Variants in CAPN14 observed in about 807,000 individuals in gnomAD.
CAPN14 encodes calpain 14.
A neutral mutation model predicts 101.3 loss-of-function variants in CAPN14; 94 were observed. The ratio of observed to expected loss-of-function variants is 0.93; its 90% confidence interval spans 0.79 to 1.10. The LOEUF is 1.10. Ranked by LOEUF, CAPN14 falls within the 50% of genes least tolerant of loss-of-function variation. The pLI, the probability that CAPN14 is intolerant of heterozygous loss-of-function variation, is 0.00. For synonymous variants in CAPN14, 338 were observed against 317.9 expected, an observed-to-expected ratio of 1.06 and a Z score of -0.67; for missense variants, 837 against 828.4, an observed-to-expected ratio of 1.01 and a Z score of -0.13.
chr2:31,179,470 T>C (rs186107630), intron 17 of CAPN14, among the ~76,000 whole-genome samples: 5 of 152,326 alleles, frequency 3.3e-5, no homozygotes, highest in Non-Finnish European at 7.4e-5. Context: ...CAGTCTATCA[T>C]TGAGGGACAT....
chr2:31,193,773 C>A lies in CAPN14; in HGVS notation c.951-479G>T, dbSNP rs143110761. 4.5e-3 allele frequency among the ~76,000 whole-genome samples: 678 copies of A among 152,272 alleles called. 2 individuals are homozygous for A. Among genetic ancestry groups the A allele is most frequent in the South Asian group, 0.022 (104 of 4,820 alleles). On this transcript the variant is annotated intron_variant, in intron 9 of 21. Coordinates refer to ENST00000403897, the MANE Select transcript of CAPN14 (RefSeq NM_001145122.2). ...TTACTTAACCATAAAGTGGAAAAAACAGGAATTTGCAGAGCTTGAGTTCAG... is the reference window on the plus strand; with the variant it reads ...TTACTTAACCATAAAGTGGAAAAAAAAGGAATTTGCAGAGCTTGAGTTCAG...
At position 31,205,412 on chromosome 2, in the gene CAPN14, C is replaced by T; in HGVS notation, c.36G>A (p.Lys12=). Residue 12 remains lysine, a synonymous_variant, in exon 2 of 22, where the codon AAG becomes AAA. Transcript: ENST00000403897. ...SLWPPFRCRW[K]LAPRYSRRAS... is the part of the protein sequence containing the mutation. ...CCCTCCTAGAGTACCTTGGCGCCAG[C>T]TTCCATCTGCATCGGAAAGGTGGCC... is the stretch of plus-strand genomic sequence containing the variant. 6.4e-7 allele frequency: 1 copy of T among 1,551,600 alleles called. No individual in the cohort carries two copies. The highest frequency in any genetic ancestry group is 8.7e-7 in the Non-Finnish European group (1 of 1,146,978).
Position 31,230,517 on chromosome 2 carries a change from A to G in CAPN14, c.-177+3274T>C, listed in dbSNP as rs1032304073. Among the ~76,000 whole-genome samples, 1 of 151,984 alleles carries G rather than the reference A, an allele frequency of 6.6e-6. No homozygotes were observed. Among genetic ancestry groups the G allele is most frequent in the African/African-American group, 2.4e-5 (1 of 41,378 alleles). The stretch of plus-strand genomic sequence containing the variant: ...CTCCCATTGCTCTACATCCTCACCA[A>G]CCCTACCATCCAACTTTTTATTCTT... On this transcript the variant is annotated intron_variant and NMD_transcript_variant, in intron 1 of 21. Coordinates refer to the CAPN14 transcript ENST00000398824. This position sits in a 1 kb window ranked among gnomAD's most constrained non-coding sequence, Gnocchi z 4.3.
At chr2:31,224,810 CA>C (rs1682971778) in intron 2 of CAPN14, among the ~76,000 whole-genome samples, 1 of 151,654 alleles carries the variant, frequency 6.6e-6, no homozygotes, top group African/African-American at 2.4e-5. Flanking sequence ...TGAGAATAAT[CA>C]AGGAATGTTT....
At chr2:31,176,538 C>A in intron 21 of CAPN14, 49 bp downstream of exon 21, 5 of 1,459,546 alleles carry the variant, frequency 3.4e-6, no homozygotes, top group Non-Finnish European at 4.7e-6. Context: ...CCCGCAAGGG[C>A]CACCTCTACG....
Position 31,205,496 on chromosome 2 carries a change from G to A in CAPN14, c.-49C>T. 7.0e-7 allele frequency: 1 copy of A among 1,429,996 alleles called. No homozygotes were observed. The highest frequency in any genetic ancestry group is 9.6e-7 in the Non-Finnish European group (1 of 1,036,976). 88.6% of individuals were successfully genotyped at this position (1,429,996 alleles called of 1,614,324 possible). ...TGAGTCTTCCTGAGGAGTCTCTGCT[G>A]CTCCTGAAATGGAGAGAGGACGGTC... is the stretch of plus-strand genomic sequence containing the variant. On this transcript the variant is annotated 5_prime_UTR_variant, in exon 2 of 22. Transcript: ENST00000403897.
In CAPN14 at chr2:31,205,514, G is replaced by T; in HGVS notation, c.-52-15C>A. 7.7e-7 allele frequency: 1 copy of T among 1,306,352 alleles called. No individual in the cohort carries two copies. The highest frequency in any genetic ancestry group is 1.1e-6 in the Non-Finnish European group (1 of 925,852). 80.9% of individuals were successfully genotyped at this position (1,306,352 alleles called of 1,614,324 possible). A position where few individuals can be genotyped will look rare whatever the true frequency, so the allele number is the denominator to read the frequency against. ...CTCTGCTGCTCCTGAAATGGAGAGAGGACGGTCAGTTTCCTCACTTCCTCC... is the reference window on the plus strand; with the variant it reads ...CTCTGCTGCTCCTGAAATGGAGAGATGACGGTCAGTTTCCTCACTTCCTCC... On this transcript the variant is annotated splice_polypyrimidine_tract_variant and intron_variant, in intron 1 of 21. Coordinates refer to ENST00000403897, the MANE Select transcript of CAPN14 (RefSeq NM_001145122.2).
chr2:31,206,079 CTGGAGTGCAG>C (rs983591853), intron 1 of CAPN14, among the ~76,000 whole-genome samples: 4 of 143,616 alleles, frequency 2.8e-5, no homozygotes, highest in African/African-American at 1.0e-4. Flanking sequence ...GTTGCCCAGG[CTGGAGTGCAG>C]TGGCGCGATC....
In CAPN14 at chr2:31,192,081, G is replaced by A. The variant is rs1005175860; in HGVS notation, c.1132C>T (p.Pro378Ser). 3 of 1,549,302 alleles carry A rather than the reference G, an allele frequency of 1.9e-6. No homozygotes were observed. Among genetic ancestry groups the A allele is most frequent in the Non-Finnish European group, 2.6e-6 (3 of 1,145,938 alleles). Reference protein sequence around the residue: ...QLLQDTFWKNPQFLLSVWRPE... With the variant: ...QLLQDTFWKNSQFLLSVWRPE... Reference sequence around the variant, plus strand: ...CTCCAGACAGACAGCAGGAACTGCGGGTTCTTCCAAAATGTGTCTGGAGCA... The same window carrying A: ...CTCCAGACAGACAGCAGGAACTGCGAGTTCTTCCAAAATGTGTCTGGAGCA... Residue 378 changes from proline to serine, a missense_variant, in exon 11 of 22, where the codon CCG (proline) becomes TCG (serine). Coordinates refer to ENST00000403897, the MANE Select transcript of CAPN14 (RefSeq NM_001145122.2).
Position 31,205,366 on chromosome 2 carries a change from G to A in CAPN14, c.82C>T (p.Gln28Ter). The A allele has an allele frequency of 1.3e-6, 2 of 1,551,596 alleles. No individual in the cohort carries two copies. The highest frequency in any genetic ancestry group is 1.7e-6 in the Non-Finnish European group (2 of 1,146,998). The change falls in exon 2 of 22, where the codon CAG (glutamine) becomes TAG (stop). Residue 28 changes from glutamine (Q) to a stop codon, truncating the protein, a stop_gained. Transcript: ENST00000403897. LOFTEE classifies it high-confidence loss of function. ...SRRASPQQPQ[Q>*]DFEALLAECL... Reference sequence around the variant, plus strand: ...TCTGCCAGCAGGGCCTCAAAGTCCTGTTGGGGTTGCTGTGGAGACGCCCTC... The same window carrying A: ...TCTGCCAGCAGGGCCTCAAAGTCCTATTGGGGTTGCTGTGGAGACGCCCTC...
chr2:31,226,016 A>G (rs1683011507), intron 2 of CAPN14, among the ~76,000 whole-genome samples: 1 of 152,236 alleles, frequency 6.6e-6, no homozygotes, highest in Non-Finnish European at 1.5e-5. Context: ...GTTGTAATTT[A>G]AATGGCATAA....
At chr2:31,210,195 G>A (rs948878555) in intron 1 of CAPN14, among the ~76,000 whole-genome samples, 4 of 152,158 alleles carry the variant, frequency 2.6e-5, no homozygotes, top group South Asian at 2.1e-4. Context: ...TGTAATCCCA[G>A]CACTTTGGGA....
intron 1 of CAPN14, among the ~76,000 whole-genome samples, chr2:31,206,316 C>G (rs1487434631): frequency 6.6e-6 from 1 of 152,220 alleles, no homozygotes; most frequent in Non-Finnish European, 1.5e-5. Flanking sequence ...GGGTCTCTCA[C>G]AGAAGGCCCC....
At chr2:31,188,293 T>C (rs1158609241) in intron 14 of CAPN14, 25 bp downstream of exon 14, 1 of 1,549,068 alleles carries the variant, frequency 6.5e-7, no homozygotes, top group Non-Finnish European at 8.7e-7. Context: ...GTCCCAGCCA[T>C]ATGGAATTCC....
In CAPN14 at chr2:31,196,737, C is replaced by T. The variant is rs559477900; in HGVS notation, c.875+512G>A. Reference sequence around the variant, plus strand: ...GGCAGAAACAACCTAAATGTAGGCACCTAATCAGAATGCCCAGAGGCTACT... The same window carrying T: ...GGCAGAAACAACCTAAATGTAGGCATCTAATCAGAATGCCCAGAGGCTACT... On this transcript the variant is annotated intron_variant, in intron 8 of 21. Transcript: ENST00000403897. 7.6e-4 allele frequency among the ~76,000 whole-genome samples: 116 copies of T among 152,236 alleles called. 1 individual carries two copies. Among genetic ancestry groups the T allele is most frequent in the African/African-American group, 2.7e-3 (112 of 41,532 alleles).
intron 11 of CAPN14, among the ~76,000 whole-genome samples, chr2:31,191,631 T>C (rs1370374617): frequency 6.6e-6 from 1 of 152,156 alleles, no homozygotes; most frequent in Non-Finnish European, 1.5e-5. Context: ...AATGCTTGGC[T>C]TTTGGGGAGA....
intron 1 of CAPN14, among the ~76,000 whole-genome samples, chr2:31,215,595 T>G (rs1265692841): frequency 6.6e-6 from 1 of 152,000 alleles, no homozygotes; most frequent in Non-Finnish European, 1.5e-5. Flanking sequence ...CAAATGTCCC[T>G]CCTCTCCAGA....
intron 21 of CAPN14, 94 bp downstream of exon 21, chr2:31,176,493 G>T: frequency 1.1e-6 from 1 of 881,238 alleles, no homozygotes; most frequent in Non-Finnish European, 1.8e-6. Flanking sequence ...AGAATAAAGT[G>T]TCCCCAGAGC....
intron 10 of CAPN14, among the ~76,000 whole-genome samples, 171 bp from the exon 11 acceptor site, chr2:31,192,269 T>A (rs548413841): frequency 9.2e-5 from 14 of 152,246 alleles, no homozygotes; most frequent in South Asian, 8.3e-4. Flanking sequence ...CCTCCCACCT[T>A]GCTCTTCCAC....
Sources: allele counts gnomAD v4.1 joint callset (sites outside exome capture counted in the v4.1 genomes callset), GRCh38; gene constraint gnomAD v4.1.1; non-coding constraint Gnocchi (gnomAD v3.1); transcripts MANE v1.5; gene names NCBI Gene and HGNC (gene_info 2026-07-23, HGNC 2026-07-21).